The following OSBPL6 variants were observed in gnomAD, a reference collection of about 807,000 sequenced individuals.
OSBPL6 encodes oxysterol binding protein like 6.
Under a neutral mutation model 125.8 loss-of-function variants are expected in OSBPL6, and 49 were observed. That is an observed-to-expected ratio of 0.39 (90% CI 0.31 to 0.49). The LOEUF is 0.49. Ranked by LOEUF, OSBPL6 falls within the 20% of genes least tolerant of loss-of-function variation. The probability of loss-of-function intolerance (pLI) is 0.88; values close to 1 mark genes in which losing one functional copy is unlikely to be tolerated. For missense variants in OSBPL6, 986 were observed against 1,135.4 expected (o/e 0.87, Z 1.89); for synonymous variants, 394 against 391.8 (o/e 1.01, Z -0.07).
At chr2:178,247,627 T>C (rs1288567270) in intron 1 of OSBPL6, among the ~76,000 whole-genome samples, 1 of 152,122 alleles carries the variant, frequency 6.6e-6, no homozygotes, top group Non-Finnish European at 1.5e-5. Flanking sequence ...CTCTGTAGCT[T>C]TTTCTCTTCC....
At chr2:178,199,757 G>A (rs75523655) in intron 1 of OSBPL6, among the ~76,000 whole-genome samples, 6,188 of 152,086 alleles carry the variant, frequency 0.041, 189 homozygotes, top group Middle Eastern at 0.13. Flanking sequence ...TAATTGATTC[G>A]TATAAAATTA....
chr2:178,300,882 G>A (rs1411624524), intron 2 of OSBPL6, among the ~76,000 whole-genome samples: 1 of 152,042 alleles, frequency 6.6e-6, no homozygotes, highest in Non-Finnish European at 1.5e-5. Context: ...AAATATAAAA[G>A]GCTATTAAAA....
rs968709138 is a variant in OSBPL6, at chr2:178,396,734, T to G, written c.*1175T>G. 6.6e-6 allele frequency: 1 copy of G among 152,246 alleles called. No individual in the cohort carries two copies. Among genetic ancestry groups the G allele is most frequent in the African/African-American group, 2.4e-5 (1 of 41,466 alleles). The allele number at this position is 152,246 out of a possible 1,614,324, so 9.4% of individuals were successfully genotyped here. A position where few individuals can be genotyped will look rare whatever the true frequency, so the allele number is the denominator to read the frequency against. On this transcript the variant is annotated 3_prime_UTR_variant, in exon 25 of 25. Coordinates refer to ENST00000190611, the MANE Select transcript of OSBPL6 (RefSeq NM_032523.4). ...TTCCATATGGTACATGGCTACATAT[T>G]AAGCATTTACCTTGCTATTGGCAGA...
chr2:178,200,962 T>C (rs1486365030), intron 1 of OSBPL6, among the ~76,000 whole-genome samples: 1 of 151,880 alleles, frequency 6.6e-6, no homozygotes, highest in Non-Finnish European at 1.5e-5. Flanking sequence ...GCCTGGCTAA[T>C]TTTTTGTATT....
At position 178,396,790 on chromosome 2, in the gene OSBPL6, A is replaced by C. The variant is rs992898483; in HGVS notation, c.*1231A>C. 1 of 152,260 alleles carries C rather than the reference A, an allele frequency of 6.6e-6. No homozygotes were observed. Among genetic ancestry groups the C allele is most frequent in the Non-Finnish European group, 1.5e-5 (1 of 68,044 alleles). The allele number at this position is 152,260 out of a possible 1,614,324, so 9.4% of individuals were successfully genotyped here. ...GAAACTTAAGCTAAGGAATGTATCC[A>C]TCCCAAAGCAGGAAAGCAGAAGTGT... On this transcript the variant is annotated 3_prime_UTR_variant, in exon 25 of 25. Coordinates refer to ENST00000190611, the MANE Select transcript of OSBPL6 (RefSeq NM_032523.4).
At chr2:178,364,994 G>A (rs1314469014) in intron 13 of OSBPL6, among the ~76,000 whole-genome samples, 9 of 152,038 alleles carry the variant, frequency 5.9e-5, no homozygotes, top group African/African-American at 2.2e-4. Flanking sequence ...CTGGCCAACA[G>A]GCGAAACCCC....
intron 3 of OSBPL6, chr2:178,320,393 CAG>C (rs756581075): frequency 3.2e-5 from 51 of 1,613,092 alleles, no homozygotes; most frequent in Non-Finnish European, 4.2e-5. Context: ...TCAGGGGAAA[CAG>C]AGGGCGGGTA....
chr2:178,389,756 C>A (rs115738507), intron 21 of OSBPL6, among the ~76,000 whole-genome samples: 244 of 152,256 alleles, frequency 1.6e-3, no homozygotes, highest in Non-Finnish European at 2.8e-3. Flanking sequence ...GTATCACTGC[C>A]GTGTTTGTTT....
intron 3 of OSBPL6, among the ~76,000 whole-genome samples, chr2:178,310,886 T>A (rs1007927047): frequency 1.3e-5 from 2 of 152,180 alleles, no homozygotes; most frequent in African/African-American, 4.8e-5. Flanking sequence ...GCTTGCCACC[T>A]CCTCCCCCTC....
At chr2:178,286,976 A>G (rs1684751354) in intron 2 of OSBPL6, among the ~76,000 whole-genome samples, 1 of 152,122 alleles carries the variant, frequency 6.6e-6, no homozygotes, top group African/African-American at 2.4e-5. Flanking sequence ...TTCATGCGTA[A>G]TGTTTCTGTC....
chr2:178,344,302 A>G, intron 11 of OSBPL6: 1 of 1,614,096 alleles, frequency 6.2e-7, no homozygotes, highest in East Asian at 2.2e-5. Context: ...CCACCCGCGA[A>G]GGGCCAGTTC....
At chr2:178,278,019 T>C (rs1001784343) in intron 1 of OSBPL6, among the ~76,000 whole-genome samples, 1 of 152,174 alleles carries the variant, frequency 6.6e-6, no homozygotes, top group African/African-American at 2.4e-5. Context: ...CCTGCTCTAC[T>C]CTCCTCCTTT....
chr2:178,385,080 T>A (rs1355398695), intron 18 of OSBPL6, among the ~76,000 whole-genome samples: 1 of 151,980 alleles, frequency 6.6e-6, no homozygotes, highest in Non-Finnish European at 1.5e-5. Flanking sequence ...CACTGGGGCC[T>A]GTTGGGGGGT....
chr2:178,251,212 C>T (rs1296786224), intron 1 of OSBPL6, among the ~76,000 whole-genome samples: 4 of 152,162 alleles, frequency 2.6e-5, no homozygotes, highest in Non-Finnish European at 5.9e-5. Context: ...AGCCAGATTC[C>T]TGCTCTTGTT....
chr2:178,195,688 G>A (rs1188724268), intron 1 of OSBPL6, among the ~76,000 whole-genome samples: 2 of 152,152 alleles, frequency 1.3e-5, no homozygotes, highest in East Asian at 3.8e-4. Flanking sequence ...GAACCCACTG[G>A]GTTGCCAGAT....
At chr2:178,391,344 C>A in intron 22 of OSBPL6, 127 bp downstream of exon 22, 1 of 957,128 alleles carries the variant, frequency 1.0e-6, no homozygotes, top group Non-Finnish European at 1.5e-6. Context: ...AGCGTAGATG[C>A]TTATGGCAAT....
intron 15 of OSBPL6, among the ~76,000 whole-genome samples, chr2:178,378,128 C>A (rs1490173109): frequency 6.6e-6 from 1 of 152,120 alleles, no homozygotes; most frequent in Non-Finnish European, 1.5e-5. Context: ...TGCGCCTGGC[C>A]TCCTCTGACC....
chr2:178,285,005 A>G lies in OSBPL6; in HGVS notation c.-272A>G, dbSNP rs1684566184. On this transcript the variant is annotated 5_prime_UTR_variant, in exon 2 of 25. Coordinates refer to ENST00000190611, the MANE Select transcript of OSBPL6 (RefSeq NM_032523.4). ...TATAATTTACCCAGATAGCCCCAGC[A>G]AGGTCAAAGACATATCATGTCCCAA... is the stretch of plus-strand genomic sequence containing the variant. 2 of 398,584 alleles carry G rather than the reference A, an allele frequency of 5.0e-6. No individual in the cohort carries two copies. Among genetic ancestry groups the G allele is most frequent in the Non-Finnish European group, 8.8e-6 (2 of 226,008 alleles). 24.7% of individuals were successfully genotyped at this position (398,584 alleles called of 1,614,324 possible). A position where few individuals can be genotyped will look rare whatever the true frequency, so the allele number is the denominator to read the frequency against.
intron 19 of OSBPL6, among the ~76,000 whole-genome samples, chr2:178,385,850 G>A (rs79747558): frequency 0.052 from 7,902 of 152,196 alleles, 323 homozygotes; most frequent in East Asian, 0.19. Flanking sequence ...CTGCCTTCTT[G>A]GTTCTTCGGG....
Sources: allele counts gnomAD v4.1 joint callset (sites outside exome capture counted in the v4.1 genomes callset), GRCh38; gene constraint gnomAD v4.1.1; transcripts MANE v1.5; gene names NCBI Gene and HGNC (gene_info 2026-07-23, HGNC 2026-07-21).